The following STK24 variants were observed in gnomAD, a reference collection of about 807,000 sequenced individuals.
STK24 encodes serine/threonine kinase 24, also known as serine/threonine-protein kinase 24.
Under a neutral mutation model 55.6 loss-of-function variants are expected in STK24, and 21 were observed. The observed-to-expected ratio is 0.38, with a 90% CI of 0.27 to 0.54. The LOEUF is 0.54. Ranked by LOEUF, STK24 falls within the 20% of genes least tolerant of loss-of-function variation. The pLI, the probability that STK24 is intolerant of heterozygous loss-of-function variation, is 0.79. For synonymous variants in STK24, 200 were observed against 215.2 expected, an observed-to-expected ratio of 0.93 and a Z score of 0.62; for missense variants, 383 against 538.4, an observed-to-expected ratio of 0.71 and a Z score of 2.86.
intron 2 of STK24, among the ~76,000 whole-genome samples, chr13:98,511,386 T>C (rs1218411461): frequency 6.6e-6 from 1 of 152,220 alleles, no homozygotes; most frequent in South Asian, 2.1e-4. Context: ...TGCAAAATTA[T>C]ACAGGCACTC....
chr13:98,452,950 TGATCGCTG>T lies in STK24; in HGVS notation c.*215_*222del, dbSNP rs927266608. On this transcript the variant is annotated 3_prime_UTR_variant, in exon 11 of 11. Transcript: ENST00000539966. ...ACAAAAGTAATAAAATAAAATAAAATGATCGCTGGAAGGAGCTGACCCTCCCCACCCAT... is the reference window on the plus strand; with the variant it reads ...ACAAAAGTAATAAAATAAAATAAAATGAAGGAGCTGACCCTCCCCACCCAT... The T allele has an allele frequency of 1.1e-5, 5 of 446,986 alleles. No individual in the cohort carries two copies. Among genetic ancestry groups the T allele is most frequent in the Non-Finnish European group, 2.0e-5 (5 of 253,818 alleles). The allele number at this position is 446,986 out of a possible 1,614,324, so 27.7% of individuals were successfully genotyped here.
At chr13:98,493,500 C>T (rs771572338) in intron 2 of STK24, among the ~76,000 whole-genome samples, 3 of 152,038 alleles carry the variant, frequency 2.0e-5, no homozygotes, top group Admixed American at 6.6e-5. Flanking sequence ...TTTTTTCTTT[C>T]CTCCCCATCC....
At chr13:98,500,741 C>A (rs9805187) in intron 2 of STK24, among the ~76,000 whole-genome samples, 16,916 of 151,462 alleles carry the variant, frequency 0.11, 1,026 homozygotes, top group Non-Finnish European at 0.14. Flanking sequence ...CGTCCACAAG[C>A]CCAACTATGA....
At chr13:98,472,513 T>C (rs1486697465) in intron 5 of STK24, among the ~76,000 whole-genome samples, 1 of 152,246 alleles carries the variant, frequency 6.6e-6, no homozygotes, top group Non-Finnish European at 1.5e-5. Flanking sequence ...TTGCATGATC[T>C]GAAACTGCTT....
intron 1 of STK24, among the ~76,000 whole-genome samples, chr13:98,521,604 TC>T (rs1179491505): frequency 6.6e-6 from 1 of 152,068 alleles, no homozygotes. Flanking sequence ...CCCACCTGAC[TC>T]CCCCTACACG....
chr13:98,559,270 T>C (rs1181934876), intron 1 of STK24, among the ~76,000 whole-genome samples: 3 of 152,150 alleles, frequency 2.0e-5, no homozygotes, highest in African/African-American at 4.8e-5. Context: ...ATAATCCCTA[T>C]GCATTGTGGG....
At chr13:98,551,462 T>C (rs74852438) in intron 1 of STK24, among the ~76,000 whole-genome samples, 1 of 151,988 alleles carries the variant, frequency 6.6e-6, no homozygotes, top group South Asian at 2.1e-4. Context: ...TTTTTTTTTT[T>C]CTTAGCACCT....
In STK24 at chr13:98,446,822, A is replaced by C; in HGVS notation, c.*6351T>G. 6.2e-7 allele frequency: 1 copy of C among 1,613,938 alleles called. No homozygotes were observed. The highest frequency in any genetic ancestry group is 1.6e-4 in the Middle Eastern group (1 of 6,062). ...AAGCGAGTACACGTTCGAAAGGTAG[A>C]CACCCCCTTCCCACGCACAGGGCCC... is the stretch of plus-strand genomic sequence containing the variant. On this transcript the variant is annotated 3_prime_UTR_variant, in exon 11 of 11. Transcript: ENST00000539966.
chr13:98,483,612 T>C (rs1169270930), intron 2 of STK24, among the ~76,000 whole-genome samples: 2 of 152,156 alleles, frequency 1.3e-5, no homozygotes, highest in East Asian at 3.8e-4. Context: ...ATGCTTCACT[T>C]GTCTTCCCTC....
In STK24 at chr13:98,449,298, G is replaced by A. The variant is rs1020173702; in HGVS notation, c.*3875C>T. 2.0e-5 allele frequency: 3 copies of A among 152,176 alleles called. No individual in the cohort carries two copies. Among genetic ancestry groups the A allele is most frequent in the Non-Finnish European group, 4.4e-5 (3 of 68,056 alleles). 9.4% of individuals were successfully genotyped at this position (152,176 alleles called of 1,614,324 possible). On this transcript the variant is annotated 3_prime_UTR_variant, in exon 11 of 11. Transcript: ENST00000539966. ...GTTTGAAACTGCGCATTCTCTAGTA[G>A]TATATATCGTGCCTGTCTTCAAAAA... is the stretch of plus-strand genomic sequence containing the variant.
chr13:98,475,731 T>G (rs7997785), intron 3 of STK24, among the ~76,000 whole-genome samples: 2 of 151,756 alleles, frequency 1.3e-5, no homozygotes, highest in Non-Finnish European at 2.9e-5. Flanking sequence ...GCAGCTGACC[T>G]CAGGGTGCCC....
At chr13:98,565,631 C>CAAA (rs397851778) in intron 1 of STK24, among the ~76,000 whole-genome samples, 2 of 117,254 alleles carry the variant, frequency 1.7e-5, no homozygotes, top group Admixed American at 8.8e-5. Context: ...GACTCCATCT[C>CAAA]AAAAAAAAAA....
chr13:98,515,799 G>A (rs1355520542), intron 2 of STK24, among the ~76,000 whole-genome samples: 2 of 152,120 alleles, frequency 1.3e-5, no homozygotes, highest in African/African-American at 2.4e-5. Context: ...ACCCATTTCT[G>A]GTAATCTCTT....
At chr13:98,474,424 C>G (rs1018514580) in intron 5 of STK24, among the ~76,000 whole-genome samples, 3 of 152,106 alleles carry the variant, frequency 2.0e-5, no homozygotes, top group African/African-American at 4.8e-5. Flanking sequence ...TCAAGGTTGC[C>G]GATTCCACGC....
At chr13:98,478,444 T>C (rs1017491622) in intron 3 of STK24, among the ~76,000 whole-genome samples, 6 of 152,218 alleles carry the variant, frequency 3.9e-5, no homozygotes, top group Non-Finnish European at 2.9e-5. Context: ...ATGCCCCTGC[T>C]TGGTCTTGGC....
chr13:98,567,043 G>A (rs773202940), intron 1 of STK24, among the ~76,000 whole-genome samples: 10 of 152,158 alleles, frequency 6.6e-5, no homozygotes, highest in African/African-American at 1.4e-4. Context: ...TCAATGGTTC[G>A]TTGCTGTAAA....
chr13:98,569,963 G>A (rs1325087337), intron 1 of STK24, among the ~76,000 whole-genome samples: 2 of 147,884 alleles, frequency 1.4e-5, no homozygotes, highest in Non-Finnish European at 1.5e-5. Flanking sequence ...TGCAACCTCC[G>A]CCTCCCAGGT....
intron 1 of STK24, among the ~76,000 whole-genome samples, chr13:98,569,787 C>A: frequency 6.7e-6 from 1 of 149,084 alleles, no homozygotes; most frequent in East Asian, 2.0e-4. Flanking sequence ...GGAAAAGAGG[C>A]AAGCGGAAGA....
chr13:98,461,266 G>A (rs926650638), intron 8 of STK24, among the ~76,000 whole-genome samples: 6 of 152,120 alleles, frequency 3.9e-5, no homozygotes, highest in Non-Finnish European at 8.8e-5. Context: ...CTGCCTGAAA[G>A]AAACTACACC....
Sources: gnomAD v4.1 joint callset for allele counts (sites outside exome capture counted in the v4.1 genomes callset) on GRCh38, gnomAD v4.1.1 for gene constraint, MANE v1.5 for transcripts, NCBI Gene and HGNC (gene_info 2026-07-23, HGNC 2026-07-21) for gene names.